Variants in SETD5 observed in about 807,000 individuals in gnomAD.
SETD5 encodes the protein histone-lysine N-methyltransferase SETD5.
In SETD5, 44 loss-of-function variants were observed where a neutral mutation model predicts 153.3. The observed-to-expected ratio is 0.29, with a 90% CI of 0.23 to 0.37. The LOEUF is 0.37. Ranked by LOEUF, SETD5 falls within the 10% of genes least tolerant of loss-of-function variation. The pLI is 1.00. For missense variants in SETD5, 1,544 were observed against 1,768.0 expected (o/e 0.87, Z 2.27); for synonymous variants, 716 against 645.2 (o/e 1.11, Z -1.66).
At chr3:9,398,442 C>T (rs535256173) in intron 1 of SETD5, 14 of 152,172 alleles carry the variant, frequency 9.2e-5, no homozygotes, top group African/African-American at 3.1e-4. Flanking sequence ...GCCGCGATCT[C>T]CCCTCCGTAA....
In SETD5 at chr3:9,445,167, G is replaced by A; in HGVS notation, c.1307G>A (p.Gly436Glu). ...LPPPPSLPTI[G>E]AETRRRKARR... ...CCTCCTCCAAGCCTACCCACCATTGGAGCAGAGACTAGACGTAGAAAAGCA... is the reference window on the plus strand; with the variant it reads ...CCTCCTCCAAGCCTACCCACCATTGAAGCAGAGACTAGACGTAGAAAAGCA... The change falls in exon 12 of 23, where the codon GGA becomes GAA. Residue 436 changes from glycine to glutamate, a missense_variant. Around this residue, in one of 9 missense-constraint regions of SETD5, gnomAD observed 782 missense variants for 787.2 expected, o/e 0.99. Coordinates refer to ENST00000402198, the MANE Select transcript of SETD5 (RefSeq NM_001080517.3). 6.2e-7 allele frequency: 1 copy of A among 1,613,966 alleles called. No homozygotes were observed. Among genetic ancestry groups the A allele is most frequent in the Non-Finnish European group, 8.5e-7 (1 of 1,179,878 alleles).
intron 3 of SETD5, chr3:9,433,437 C>G (rs936178047): frequency 1.0e-5 from 13 of 1,289,812 alleles, no homozygotes; most frequent in Admixed American, 2.3e-5. Flanking sequence ...GCACTTTGAT[C>G]ATCTCACTCA....
intron 1 of SETD5, among the ~76,000 whole-genome samples, chr3:9,412,576 A>T (rs1292291190): frequency 1.3e-5 from 2 of 151,670 alleles, no homozygotes; most frequent in Admixed American, 6.6e-5. Context: ...CTAATTTTTT[A>T]AAAAATATCT....
chr3:9,473,946 G>T (rs996306378), intron 20 of SETD5, among the ~76,000 whole-genome samples: 3 of 152,188 alleles, frequency 2.0e-5, no homozygotes, highest in African/African-American at 7.2e-5. Flanking sequence ...CATTCTGAAA[G>T]GATTTGTCTG....
chr3:9,408,146 C>T (rs1157451762), intron 1 of SETD5, among the ~76,000 whole-genome samples: 1 of 152,264 alleles, frequency 6.6e-6, no homozygotes, highest in East Asian at 1.9e-4. Context: ...ATAAATTATA[C>T]GCTTACCATA....
At chr3:9,407,265 T>C (rs1412278088) in intron 1 of SETD5, among the ~76,000 whole-genome samples, 2 of 151,988 alleles carry the variant, frequency 1.3e-5, no homozygotes, top group Admixed American at 6.6e-5. Context: ...GAGGCAGAGG[T>C]TGCAGTGAGC....
chr3:9,412,447 G>GGCTAGAGT lies in SETD5; in HGVS notation c.-176-12017_-176-12010dup, dbSNP rs2036750236. Reference sequence around the variant, plus strand: ...AGACAAGGTCCTACTCTGTCGCCCAGGCTAGAGTGCAGTAGCACAATCATT... The same window carrying GGCTAGAGT: ...AGACAAGGTCCTACTCTGTCGCCCAGGCTAGAGTGCTAGAGTGCAGTAGCACAATCATT... On this transcript the variant is annotated intron_variant, in intron 1 of 22. Coordinates refer to ENST00000402198, the MANE Select transcript of SETD5 (RefSeq NM_001080517.3). 2.9e-5 allele frequency among the ~76,000 whole-genome samples: 4 copies of GGCTAGAGT among 136,922 alleles called. No homozygotes were observed. The Admixed American group carries it at 3.4e-4, about 12-fold the overall frequency. 89.8% of individuals were successfully genotyped at this position (136,922 alleles called of 152,430 possible). A position where few individuals can be genotyped will look rare whatever the true frequency, so the allele number is the denominator to read the frequency against.
At position 9,445,670 on chromosome 3, in the gene SETD5, CAGA is replaced by C. The variant is rs1361736520; in HGVS notation, c.1459_1461del (p.Glu487del). On this transcript the variant is annotated inframe_deletion, in exon 13 of 23. Coordinates refer to ENST00000402198, the MANE Select transcript of SETD5 (RefSeq NM_001080517.3). ...TCTATCTTAAAGGAAGTAGACAATC[CAGA>C]AGAAAAACCAGAAGAAGAGAAAGAA... is the stretch of plus-strand genomic sequence containing the variant. 1.2e-6 allele frequency: 2 copies of C among 1,613,172 alleles called. No homozygotes were observed. The highest frequency in any genetic ancestry group is 1.7e-6 in the Non-Finnish European group (2 of 1,179,596).
At position 9,470,858 on chromosome 3, in the gene SETD5, T is replaced by C. The variant is rs780757418; in HGVS notation, c.3124T>C (p.Leu1042=). ...AATGAAAGACCTCTCTCGTGGATCCTTGTCACCTGGTGGTGAAAGGGCCTG... is the reference window on the plus strand; with the variant it reads ...AATGAAAGACCTCTCTCGTGGATCCCTGTCACCTGGTGGTGAAAGGGCCTG... ...GLMKDLSRGS[L]SPGGERACEG... Residue 1042 remains leucine (L), a synonymous_variant, in exon 19 of 23, where the codon TTG becomes CTG. Transcript: ENST00000402198. 39 of 1,611,574 alleles carry C rather than the reference T, an allele frequency of 2.4e-5. No individual in the cohort carries two copies. The East Asian group carries it at 7.4e-4, about 30-fold the overall frequency.
At chr3:9,462,555 C>T (rs570897192) in intron 17 of SETD5, among the ~76,000 whole-genome samples, 2 of 147,926 alleles carry the variant, frequency 1.4e-5, no homozygotes, top group South Asian at 4.3e-4. Flanking sequence ...CCGCTGCACT[C>T]CAGCCTAGGT....
intron 1 of SETD5, among the ~76,000 whole-genome samples, chr3:9,407,047 G>C (rs1380423019): frequency 2.6e-5 from 4 of 152,226 alleles, no homozygotes; most frequent in Non-Finnish European, 5.9e-5. Context: ...GCTGTAGCCA[G>C]CCAGGCGTGG....
At chr3:9,466,472 C>T (rs1296564796) in intron 18 of SETD5, among the ~76,000 whole-genome samples, 1 of 151,544 alleles carries the variant, frequency 6.6e-6, no homozygotes, top group Non-Finnish European at 1.5e-5. Flanking sequence ...TTTAATAATA[C>T]AGTCCATGCA....
rs752204608 is a variant in SETD5, at chr3:9,433,928, G to A, written c.155G>A (p.Gly52Glu). ...THNYGTTQRHGCRGLPYATII... is the reference protein window; with the variant it reads ...THNYGTTQRHECRGLPYATII... ...AATTATGGGACCACTCAGAGGCATG[G>A]GTGTCGAGGACTGCCTTATGCTGTG... The change falls in exon 4 of 23, where the codon GGG becomes GAG. Residue 52 changes from glycine to glutamate, a missense_variant. Gly to Glu is a moderately conservative substitution (Grantham distance 98, BLOSUM62 -2). Coordinates refer to ENST00000402198, the MANE Select transcript of SETD5 (RefSeq NM_001080517.3). The A allele has an allele frequency of 6.2e-7, 1 of 1,613,904 alleles. No homozygotes were observed. Among genetic ancestry groups the A allele is most frequent in the Non-Finnish European group, 8.5e-7 (1 of 1,179,852 alleles).
chr3:9,457,978 C>T (rs899176142), intron 17 of SETD5, among the ~76,000 whole-genome samples: 8 of 151,896 alleles, frequency 5.3e-5, no homozygotes, highest in African/African-American at 9.7e-5. Context: ...AGGTGTAAGA[C>T]GAGCTTCTAG....
intron 16 of SETD5, among the ~76,000 whole-genome samples, chr3:9,450,914 GA>G (rs2042552595): frequency 6.6e-6 from 1 of 152,156 alleles, no homozygotes; most frequent in Non-Finnish European, 1.5e-5. Flanking sequence ...CTTCTGAAAA[GA>G]AGAGGAGTTC....
At chr3:9,437,522 CGTGTGTGT>C (rs6147703) in intron 7 of SETD5, among the ~76,000 whole-genome samples, 3 of 145,026 alleles carry the variant, frequency 2.1e-5, no homozygotes, top group African/African-American at 2.6e-5. Flanking sequence ...TCCTCCTTTA[CGTGTGTGT>C]GTGTGTGTGT....
intron 1 of SETD5, among the ~76,000 whole-genome samples, chr3:9,406,999 G>GA (rs1468888701): frequency 5.9e-5 from 9 of 152,178 alleles, no homozygotes; most frequent in African/African-American, 2.2e-4. Context: ...CCAAAAATAT[G>GA]AAAATTATGC....
rs567940990 is a variant in SETD5, at chr3:9,474,925, T to G, written c.3632-143T>G. The G allele has an allele frequency of 1.0e-4, 73 of 710,770 alleles. No homozygotes were observed. The African/African-American group carries it at 1.2e-3, about 12-fold the overall frequency. The allele number at this position is 710,770 out of a possible 1,614,324, so 44.0% of individuals were successfully genotyped here. On this transcript the variant is annotated intron_variant, in intron 21 of 22. Transcript: ENST00000402198. ...CATAATTAACCACTCATTTTGCCCTTCTGGCATGCTGCACTCACCCAATTT... is the reference window on the plus strand; with the variant it reads ...CATAATTAACCACTCATTTTGCCCTGCTGGCATGCTGCACTCACCCAATTT...
intron 1 of SETD5, among the ~76,000 whole-genome samples, chr3:9,406,216 G>C (rs1325246261): frequency 6.6e-6 from 1 of 152,000 alleles, no homozygotes; most frequent in Non-Finnish European, 1.5e-5. Flanking sequence ...AATCTAAAGG[G>C]CATATTTTTA....
Sources: allele counts gnomAD v4.1 joint callset (sites outside exome capture counted in the v4.1 genomes callset), GRCh38; gene constraint gnomAD v4.1.1; regional missense constraint gnomAD v4.1.1; transcripts MANE v1.5; gene names NCBI Gene and HGNC (gene_info 2026-07-23, HGNC 2026-07-21).